The following HIPK2 variants were observed in gnomAD, a reference collection of about 807,000 sequenced individuals.
HIPK2 encodes homeodomain interacting protein kinase 2.
Under a neutral mutation model 113.7 loss-of-function variants are expected in HIPK2, and 27 were observed. The ratio of observed to expected loss-of-function variants is 0.24; its 90% confidence interval spans 0.17 to 0.33. The LOEUF is 0.33. Ranked by LOEUF, HIPK2 falls within the 10% of genes least tolerant of loss-of-function variation. The pLI is 1.00. For missense variants in HIPK2, 1,257 were observed against 1,588.0 expected, an observed-to-expected ratio of 0.79 and a Z score of 3.54; for synonymous variants, 631 against 642.2, an observed-to-expected ratio of 0.98 and a Z score of 0.26.
At chr7:139,657,536 C>T (rs1801714013) in intron 2 of HIPK2, among the ~76,000 whole-genome samples, 2 of 152,218 alleles carry the variant, frequency 1.3e-5, no homozygotes, top group Non-Finnish European at 2.9e-5. Flanking sequence ...GATTCTTGGC[C>T]ATCATCCCCT....
Position 139,777,751 on chromosome 7 carries a change from G to T in HIPK2, c.-128C>A. 3 of 883,558 alleles carry T rather than the reference G, an allele frequency of 3.4e-6. No homozygotes were observed. Among genetic ancestry groups the T allele is most frequent in the South Asian group, 1.0e-4 (2 of 19,650 alleles). The allele number at this position is 883,558 out of a possible 1,614,324, so 54.7% of individuals were successfully genotyped here. A position where few individuals can be genotyped will look rare whatever the true frequency, so the allele number is the denominator to read the frequency against. On this transcript the variant is annotated 5_prime_UTR_variant, in exon 1 of 15. Transcript: ENST00000406875. ...CTCCGCTCTCGGCGCAGCCGAGGCCGCCCGCGCCCGCATCACCGCCTCCCG... is the reference window on the plus strand; with the variant it reads ...CTCCGCTCTCGGCGCAGCCGAGGCCTCCCGCGCCCGCATCACCGCCTCCCG...
intron 7 of HIPK2, among the ~76,000 whole-genome samples, chr7:139,620,108 A>G (rs1800184320): frequency 6.6e-6 from 1 of 152,162 alleles, no homozygotes; most frequent in Non-Finnish European, 1.5e-5. Context: ...TAAAAGGATC[A>G]TAGCACCCCC....
chr7:139,669,478 T>C (rs1245842745), intron 2 of HIPK2, among the ~76,000 whole-genome samples: 2 of 152,236 alleles, frequency 1.3e-5, no homozygotes, highest in East Asian at 3.8e-4. Context: ...TCAAGACTCA[T>C]TGGTGAATGA....
At chr7:139,661,276 G>A (rs914672761) in intron 2 of HIPK2, among the ~76,000 whole-genome samples, 2 of 152,096 alleles carry the variant, frequency 1.3e-5, no homozygotes, top group Admixed American at 1.3e-4. Flanking sequence ...CAATATAAGC[G>A]TCTCTTCTAC....
intron 1 of HIPK2, among the ~76,000 whole-genome samples, chr7:139,722,737 A>C (rs568740495): frequency 1.3e-5 from 2 of 151,734 alleles, no homozygotes; most frequent in African/African-American, 4.8e-5. Context: ...TATTCAGAGC[A>C]CCCTCCCTAC....
intron 1 of HIPK2, among the ~76,000 whole-genome samples, chr7:139,776,404 G>A (rs1361352251): frequency 2.7e-5 from 4 of 149,598 alleles, no homozygotes; most frequent in Non-Finnish European, 5.9e-5. Context: ...ACTAATAACA[G>A]ATTTTCTTTT....
chr7:139,721,176 G>T (rs924077480), intron 1 of HIPK2, among the ~76,000 whole-genome samples: 1 of 152,212 alleles, frequency 6.6e-6, no homozygotes, highest in African/African-American at 2.4e-5. Flanking sequence ...GTGCAGACGT[G>T]TTACCTTTGT....
Position 139,740,334 on chromosome 7 carries a change from C to T in HIPK2, c.20-23319G>A, listed in dbSNP as rs548031698. ...CAGCATGCTTAGCCTGGTATCGCCC[C>T]GGAGAAAGAGCCAGCACCTGGCATG... On this transcript the variant is annotated intron_variant, in intron 1 of 14. Transcript: ENST00000406875. Among the ~76,000 whole-genome samples, 156 of 152,318 alleles carry T rather than the reference C, an allele frequency of 1.0e-3. 1 individual carries two copies. The highest frequency in any genetic ancestry group is 3.5e-3 in the African/African-American group (145 of 41,572).
intron 1 of HIPK2, among the ~76,000 whole-genome samples, chr7:139,768,784 A>T (rs937175147): frequency 2.6e-5 from 4 of 152,144 alleles, no homozygotes; most frequent in Admixed American, 2.6e-4. Context: ...CTATACCTGG[A>T]GCCCCACCTG....
Position 139,631,636 on chromosome 7 carries a change from C to A in HIPK2, c.1193G>T (p.Trp398Leu). The A allele has an allele frequency of 6.2e-7, 1 of 1,613,964 alleles. No individual in the cohort carries two copies. Among genetic ancestry groups the A allele is most frequent in the Non-Finnish European group, 8.5e-7 (1 of 1,179,884 alleles). ...CTCCGAAGCTCCTGGATATAACGGCCAACCCAGGAACAATTCTGCAATAAC... is the reference window on the plus strand; with the variant it reads ...CTCCGAAGCTCCTGGATATAACGGCAAACCCAGGAACAATTCTGCAATAAC... ...GCVIAELFLG[W>L]PLYPGASEYD... The change falls in exon 3 of 15, where the codon TGG becomes TTG. Residue 398 changes from tryptophan (W) to leucine (L), a missense_variant. By Grantham distance (61) the Trp-to-Leu change is moderately conservative (BLOSUM62 -2). This residue lies in a region of HIPK2 where 84 missense variants were observed against 182.2 expected (regional missense o/e 0.46). Coordinates refer to ENST00000406875, the MANE Select transcript of HIPK2 (RefSeq NM_022740.5). This position sits in a 1 kb window ranked among gnomAD's most constrained non-coding sequence, Gnocchi z 4.9.
chr7:139,634,931 G>A (rs572271193), intron 2 of HIPK2, among the ~76,000 whole-genome samples: 1 of 152,256 alleles, frequency 6.6e-6, no homozygotes, highest in African/African-American at 2.4e-5. Context: ...ACCTGCCTCA[G>A]CCTCCCAAAG....
intron 2 of HIPK2, among the ~76,000 whole-genome samples, chr7:139,711,863 T>A (rs1467538473): frequency 6.6e-6 from 1 of 152,260 alleles, no homozygotes; most frequent in East Asian, 1.9e-4. Context: ...CCTGCAACTC[T>A]GTTCTTTTGG....
At chr7:139,661,596 AC>A (rs1160737125) in intron 2 of HIPK2, among the ~76,000 whole-genome samples, 2 of 152,224 alleles carry the variant, frequency 1.3e-5, no homozygotes, top group African/African-American at 4.8e-5. Flanking sequence ...CCCAAATGTA[AC>A]ATAACACAAT....
rs563666230 is a variant in HIPK2 at position 139,714,431 on chromosome 7, G to A, written c.1103+1501C>T. 2.6e-5 allele frequency among the ~76,000 whole-genome samples: 4 copies of A among 152,310 alleles called. No homozygotes were observed. In the South Asian group the frequency reaches 8.3e-4, roughly 32 times the overall value. On this transcript the variant is annotated intron_variant, in intron 2 of 14. Coordinates refer to ENST00000406875, the MANE Select transcript of HIPK2 (RefSeq NM_022740.5). This position sits in a 1 kb window ranked among gnomAD's most constrained non-coding sequence, Gnocchi z 4.2. The stretch of plus-strand genomic sequence containing the variant: ...GAGGGCCTGGTGCCCAGCAGGCTGA[G>A]GGAGGGGCTGGGAGGAGACTTGCAA...
chr7:139,753,291 C>T (rs931830918), intron 1 of HIPK2, among the ~76,000 whole-genome samples: 37 of 152,288 alleles, frequency 2.4e-4, no homozygotes, highest in African/African-American at 8.4e-4. Context: ...GTAATAAAAA[C>T]CCAGGTTCCA....
chr7:139,653,981 C>T (rs538707982), intron 2 of HIPK2, among the ~76,000 whole-genome samples: 29 of 152,160 alleles, frequency 1.9e-4, no homozygotes, highest in Non-Finnish European at 2.8e-4. Flanking sequence ...GATCTGCCTG[C>T]CTCGGCCTCC....
chr7:139,694,962 T>A (rs938059243), intron 2 of HIPK2, among the ~76,000 whole-genome samples: 22 of 152,282 alleles, frequency 1.4e-4, no homozygotes, highest in African/African-American at 4.8e-4. Flanking sequence ...AGAAAACTGT[T>A]AAAACACAGA....
At chr7:139,628,478 TG>T (rs2116881034) in intron 5 of HIPK2, among the ~76,000 whole-genome samples, 1 of 152,308 alleles carries the variant, frequency 6.6e-6, no homozygotes, top group Admixed American at 6.5e-5. Flanking sequence ...GTTTTGATCT[TG>T]TTGTCCAGGC....
intron 7 of HIPK2, among the ~76,000 whole-genome samples, chr7:139,616,083 C>T (rs932569039): frequency 2.0e-5 from 3 of 152,124 alleles, no homozygotes; most frequent in Non-Finnish European, 4.4e-5. Flanking sequence ...CAGCCCTTAG[C>T]CCCTGTGGGT....
Sources: allele counts gnomAD v4.1 joint callset (sites outside exome capture counted in the v4.1 genomes callset), GRCh38; gene constraint gnomAD v4.1.1; regional missense constraint gnomAD v4.1.1; non-coding constraint Gnocchi (gnomAD v3.1); transcripts MANE v1.5; gene names NCBI Gene and HGNC (gene_info 2026-07-23, HGNC 2026-07-21).